The following LARGE1 variants were observed in gnomAD, a reference collection of about 807,000 sequenced individuals.
LARGE1 encodes the protein xylosyl- and glucuronyltransferase LARGE1.
A neutral mutation model predicts 87.6 loss-of-function variants in LARGE1; 43 were observed. That is an observed-to-expected ratio of 0.49 (90% CI 0.38 to 0.63). LARGE1 has a LOEUF of 0.63. Among genes scored for constraint, LARGE1 ranks in the 30% least tolerant of loss-of-function variants. The probability of loss-of-function intolerance (pLI) is 0.00; values close to 1 mark genes in which losing one functional copy is unlikely to be tolerated. For missense variants in LARGE1, 802 were observed against 1,000.2 expected (o/e 0.80, Z 2.67); for synonymous variants, 434 against 394.6 (o/e 1.10, Z -1.18).
chr22:33,821,988 G>A (rs943640271), intron 1 of LARGE1, among the ~76,000 whole-genome samples: 3 of 134,344 alleles, frequency 2.2e-5, no homozygotes, highest in African/African-American at 8.7e-5. Flanking sequence ...TGTTTCTATT[G>A]CGGGTATATT....
chr22:33,449,904 G>A (rs1239991187), intron 6 of LARGE1, among the ~76,000 whole-genome samples: 1 of 152,086 alleles, frequency 6.6e-6, no homozygotes, highest in Admixed American at 6.6e-5. Flanking sequence ...CTTGCATCGA[G>A]GATGAGGCTT....
intron 11 of LARGE1, among the ~76,000 whole-genome samples, chr22:33,255,934 CAA>C (rs989089231): frequency 6.6e-6 from 1 of 152,146 alleles, no homozygotes; most frequent in African/African-American, 2.4e-5. Context: ...GCTGCATTAT[CAA>C]AGTTTAGCGC....
chr22:33,879,010 G>A (rs535464600), intron 1 of LARGE1, among the ~76,000 whole-genome samples: 34 of 148,944 alleles, frequency 2.3e-4, no homozygotes, highest in South Asian at 1.1e-3. Context: ...ATGGAGTTCC[G>A]AGCCCAGGCT....
Position 33,825,331 on chromosome 22 carries a change from C to T in LARGE1, c.-82-63773G>A, listed in dbSNP as rs551873896. 1.1e-4 allele frequency among the ~76,000 whole-genome samples: 17 copies of T among 152,050 alleles called. No individual in the cohort carries two copies. In the East Asian group the frequency reaches 3.3e-3, roughly 29 times the overall value. ...CTCACACTGCTAATAAAGACATACC[C>T]GAGACTGGGTAATTTATAAATTATA... On this transcript the variant is annotated intron_variant, in intron 1 of 14. Coordinates refer to ENST00000397394, the MANE Select transcript of LARGE1 (RefSeq NM_133642.5).
chr22:33,445,855 G>A (rs1429140558), intron 6 of LARGE1, among the ~76,000 whole-genome samples: 3 of 151,808 alleles, frequency 2.0e-5, no homozygotes, highest in African/African-American at 7.3e-5. Context: ...TCACCATATT[G>A]GCCAGGCTGG....
At chr22:33,312,438 C>CT (rs1555893947) in intron 11 of LARGE1, among the ~76,000 whole-genome samples, 2 of 56,392 alleles carry the variant, frequency 3.5e-5, no homozygotes, top group African/African-American at 1.1e-4. Flanking sequence ...GACTCTGTCT[C>CT]AAAAAAAAAA....
intron 6 of LARGE1, among the ~76,000 whole-genome samples, chr22:33,540,967 C>G (rs1164755787): frequency 6.8e-6 from 1 of 147,832 alleles, no homozygotes; most frequent in Non-Finnish European, 1.5e-5. Flanking sequence ...AACCCCATCT[C>G]TATTAAAAAA....
chr22:33,694,269 G>A (rs1474590943), intron 2 of LARGE1, among the ~76,000 whole-genome samples: 3 of 152,182 alleles, frequency 2.0e-5, no homozygotes, highest in South Asian at 2.1e-4. Flanking sequence ...CATTCTTAGC[G>A]ATGCTGTCTA....
At chr22:33,904,853 T>C (rs895481106) in intron 1 of LARGE1, among the ~76,000 whole-genome samples, 1 of 152,128 alleles carries the variant, frequency 6.6e-6, no homozygotes, top group Non-Finnish European at 1.5e-5. Context: ...GTTTACATTA[T>C]CCTGAAACCC....
At chr22:33,128,156 C>T in the LARGE1 span, among the ~76,000 whole-genome samples, 2 of 152,126 alleles carry the variant, frequency 1.3e-5, no homozygotes, top group Non-Finnish European at 2.9e-5. Context: ...AATGCTTTTA[C>T]ACTGCTGGTG....
intron 2 of LARGE1, among the ~76,000 whole-genome samples, chr22:33,685,313 TAAA>T (rs2081912106): frequency 6.6e-6 from 1 of 152,168 alleles, no homozygotes; most frequent in Non-Finnish European, 1.5e-5. Flanking sequence ...AGGCATCTAA[TAAA>T]GCATGTACAA....
chr22:33,332,446 C>T (rs150586907), intron 10 of LARGE1, among the ~76,000 whole-genome samples: 1,919 of 152,236 alleles, frequency 0.013, 45 homozygotes, highest in African/African-American at 0.043. Context: ...TACCCAGTCT[C>T]AGGTATGTCT....
chr22:33,120,231 G>A, the LARGE1 span, among the ~76,000 whole-genome samples: 5 of 151,966 alleles, frequency 3.3e-5, no homozygotes, highest in African/African-American at 1.2e-4. Flanking sequence ...CCTAATTAGA[G>A]TAATTAATTC....
chr22:33,275,372 T>C (rs139379298), intron 14 of LARGE1, among the ~76,000 whole-genome samples: 1 of 152,190 alleles, frequency 6.6e-6, no homozygotes, highest in Non-Finnish European at 1.5e-5. Context: ...TTTGGACATA[T>C]TGTCTGACAA....
chr22:33,734,463 C>A (rs1023306498), intron 2 of LARGE1, among the ~76,000 whole-genome samples: 1 of 152,102 alleles, frequency 6.6e-6, no homozygotes, highest in Non-Finnish European at 1.5e-5. Flanking sequence ...TGATGAGAGG[C>A]CTTGATGCTG....
rs764884886 is a variant in LARGE1 at position 33,277,201 on chromosome 22, G to A, written c.1932C>T (p.Thr644=). 8.1e-6 allele frequency: 13 copies of A among 1,614,098 alleles called. No individual in the cohort carries two copies. The highest frequency in any genetic ancestry group is 4.0e-5 in the African/African-American group (3 of 74,934). The change falls in exon 14 of 15, where the codon ACC becomes ACT. Residue 644 remains threonine (T), a synonymous_variant. Coordinates refer to ENST00000397394, the MANE Select transcript of LARGE1 (RefSeq NM_133642.5). ...ACTCAACCCGGTAAGGCGTGGTGGCGGTCCGCCACTTGGCGAAGTTTGTGG... is the reference window on the plus strand; with the variant it reads ...ACTCAACCCGGTAAGGCGTGGTGGCAGTCCGCCACTTGGCGAAGTTTGTGG... ...HAPTNFAKWR[T]ATTPYRVEWE... is the part of the protein sequence containing the mutation.
chr22:33,093,860 T>A, the LARGE1 span, among the ~76,000 whole-genome samples: 1 of 131,014 alleles, frequency 7.6e-6, no homozygotes, highest in Non-Finnish European at 1.6e-5. Context: ...AGAGTTTTGC[T>A]CCCGTCTCCC....
intron 1 of LARGE1, among the ~76,000 whole-genome samples, chr22:33,778,928 A>T (rs1601595729): frequency 6.6e-6 from 1 of 152,092 alleles, no homozygotes; most frequent in African/African-American, 2.4e-5. Context: ...TGGGATTACC[A>T]GCGTGAGCCA....
At position 33,650,799 on chromosome 22, in the gene LARGE1, A is replaced by T; in HGVS notation, c.107-131T>A. 3 of 997,548 alleles carry T rather than the reference A, an allele frequency of 3.0e-6. No homozygotes were observed. In the South Asian group the frequency reaches 4.3e-5, roughly 14 times the overall value. 61.8% of individuals were successfully genotyped at this position (997,548 alleles called of 1,614,324 possible). On this transcript the variant is annotated intron_variant, in intron 2 of 14. Coordinates refer to ENST00000397394, the MANE Select transcript of LARGE1 (RefSeq NM_133642.5). ...TCCCATGTTTAAGGAAAACAGATGG[A>T]AAGTGAGTTACAAATAAACGCATCC...
Sources: allele counts gnomAD v4.1 joint callset (sites outside exome capture counted in the v4.1 genomes callset), GRCh38; gene constraint gnomAD v4.1.1; transcripts MANE v1.5; gene names NCBI Gene and HGNC (gene_info 2026-07-23, HGNC 2026-07-21).